Variants in ANKMY1 observed in about 807,000 individuals in gnomAD.
ANKMY1 encodes ankyrin repeat and MYND domain containing 1.
In ANKMY1, 98 loss-of-function variants were observed where a neutral mutation model predicts 102.0. That is an observed-to-expected ratio of 0.96 (90% CI 0.82 to 1.14). The LOEUF (loss-of-function observed/expected upper bound fraction) is 1.14, where lower values mean the gene tolerates loss of function less well. Ranked by LOEUF, ANKMY1 falls within the 50% of genes most tolerant of loss-of-function variation. ANKMY1 has a pLI of 0.00. For synonymous variants in ANKMY1, 582 were observed against 559.9 expected, an observed-to-expected ratio of 1.04 and a Z score of -0.56; for missense variants, 1,330 against 1,347.6, an observed-to-expected ratio of 0.99 and a Z score of 0.20.
At chr2:240,510,875 C>A (rs533738019) in intron 11 of ANKMY1, among the ~76,000 whole-genome samples, 1 of 151,990 alleles carries the variant, frequency 6.6e-6, no homozygotes, top group African/African-American at 2.4e-5. Context: ...CACAAGTGTG[C>A]GAACAGAAAG....
At chr2:240,518,034 C>T (rs1449873263) in intron 9 of ANKMY1, among the ~76,000 whole-genome samples, 5 of 152,148 alleles carry the variant, frequency 3.3e-5, no homozygotes, top group Admixed American at 1.3e-4. Flanking sequence ...CGCCCCTCCT[C>T]AGCATGAAGC....
chr2:240,512,068 A>C, intron 10 of ANKMY1, 67 bp from the exon 11 acceptor site: 1 of 1,463,272 alleles, frequency 6.8e-7, no homozygotes, highest in South Asian at 1.4e-5. Flanking sequence ...AGGCAAACGG[A>C]GCAAGGGAGC....
At chr2:240,504,804 C>T (rs1350870507) in intron 13 of ANKMY1, among the ~76,000 whole-genome samples, 4 of 151,624 alleles carry the variant, frequency 2.6e-5, no homozygotes, top group African/African-American at 9.7e-5. Context: ...GCCAGGAGTT[C>T]GAGACCAGCC....
chr2:240,558,057 C>G, upstream of ANKMY1: 1 of 892,912 alleles, frequency 1.1e-6, no homozygotes, highest in Non-Finnish European at 1.3e-6. Context: ...CTCCGCCAAT[C>G]CCCCCGCCAG....
At chr2:240,470,666 TG>T in the ANKMY1 span, among the ~76,000 whole-genome samples, 1 of 152,114 alleles carries the variant, frequency 6.6e-6, no homozygotes, top group African/African-American at 2.4e-5. Context: ...AGCATCGGCC[TG>T]GGAAGTCAGA....
chr2:240,536,608 T>C (rs1439250108), intron 4 of ANKMY1, among the ~76,000 whole-genome samples: 1 of 152,212 alleles, frequency 6.6e-6, no homozygotes, highest in African/African-American at 2.4e-5. Flanking sequence ...CAAGACCCTG[T>C]CTCTAAAAAC....
intron 4 of ANKMY1, among the ~76,000 whole-genome samples, chr2:240,530,641 G>A (rs12613288): frequency 0.15 from 22,377 of 152,146 alleles, 2,743 homozygotes; most frequent in East Asian, 0.68. Flanking sequence ...TTGCGGCAAC[G>A]TGAGAATGGC....
chr2:240,541,528 G>T (rs868250993), intron 4 of ANKMY1, among the ~76,000 whole-genome samples: 1 of 138,398 alleles, frequency 7.2e-6, no homozygotes, highest in Non-Finnish European at 1.5e-5. Flanking sequence ...TTTTTGAGAC[G>T]GAGTCTCACT....
intron 4 of ANKMY1, among the ~76,000 whole-genome samples, chr2:240,533,544 A>T (rs2085955163): frequency 1.3e-5 from 2 of 152,196 alleles, no homozygotes; most frequent in African/African-American, 4.8e-5. Context: ...TGTATCTTAC[A>T]TTCTTTTTTC....
intron 15 of ANKMY1, among the ~76,000 whole-genome samples, chr2:240,489,984 T>C (rs951551554): frequency 6.6e-6 from 1 of 152,242 alleles, no homozygotes; most frequent in Non-Finnish European, 1.5e-5. Context: ...CCCCATTCAA[T>C]CTTGGTAGAC....
chr2:240,537,639 C>T (rs898989942), intron 4 of ANKMY1, among the ~76,000 whole-genome samples: 2 of 152,202 alleles, frequency 1.3e-5, no homozygotes, highest in African/African-American at 2.4e-5. Flanking sequence ...TCTTCCCAAG[C>T]GACACGGAGG....
intron 9 of ANKMY1, among the ~76,000 whole-genome samples, 162 bp from the exon 10 acceptor site, chr2:240,513,104 C>T (rs536541125): frequency 2.6e-5 from 4 of 152,344 alleles, no homozygotes; most frequent in African/African-American, 9.6e-5. Context: ...TCCCTGAAGG[C>T]AGTGTGGGCA....
chr2:240,548,298 T>C (rs1422013024), intron 4 of ANKMY1, among the ~76,000 whole-genome samples: 3 of 152,160 alleles, frequency 2.0e-5, no homozygotes, highest in Non-Finnish European at 4.4e-5. Flanking sequence ...AAAAGACCTT[T>C]GACAAAATTC....
rs55671912 is a variant in ANKMY1, at chr2:240,496,352, TTAGATAGATAGATAGATAGA to T, written c.2806+3586_2806+3605del. Among the ~76,000 whole-genome samples, 1,059 of 147,526 alleles carry T rather than the reference TTAGATAGATAGATAGATAGA, an allele frequency of 7.2e-3. 10 individuals carry two copies. Among genetic ancestry groups the T allele is most frequent in the African/African-American group, 0.013 (498 of 39,718 alleles). On this transcript the variant is annotated intron_variant, in intron 15 of 17. Transcript: ENST00000401804. ...CTCACCTCTGCTTCTGGTACTCTAA[TTAGATAGATAGATAGATAGA>T]TAGATAGATAGATAGATAGATAGAT...
chr2:240,515,342 C>T (rs1372635734), intron 9 of ANKMY1, among the ~76,000 whole-genome samples: 1 of 152,112 alleles, frequency 6.6e-6, no homozygotes, highest in Non-Finnish European at 1.5e-5. Context: ...CAAGACCAGC[C>T]TGGCCAACAT....
intron 4 of ANKMY1, among the ~76,000 whole-genome samples, chr2:240,545,791 G>A (rs896873719): frequency 5.9e-5 from 9 of 152,168 alleles, no homozygotes; most frequent in East Asian, 1.9e-4. Flanking sequence ...GAAATGAAGC[G>A]AGAAGGGAAG....
At chr2:240,543,193 CA>C (rs963525426) in intron 4 of ANKMY1, among the ~76,000 whole-genome samples, 12 of 147,080 alleles carry the variant, frequency 8.2e-5, no homozygotes, top group Non-Finnish European at 1.1e-4. Flanking sequence ...ACTAAAAATG[CA>C]AAAAAAAAAT....
At chr2:240,521,593 G>A (rs1053542133) in intron 8 of ANKMY1, among the ~76,000 whole-genome samples, 1 of 136,124 alleles carries the variant, frequency 7.3e-6, no homozygotes, top group African/African-American at 2.8e-5. Flanking sequence ...CCGCCTCCCA[G>A]GTTCAAGTTA....
intron 4 of ANKMY1, among the ~76,000 whole-genome samples, chr2:240,537,772 C>G (rs544858366): frequency 6.6e-6 from 1 of 152,358 alleles, no homozygotes; most frequent in African/African-American, 2.4e-5. Flanking sequence ...TTCTTCTGCA[C>G]GCTGTAAACC....
Sources: gnomAD v4.1 joint callset for allele counts (sites outside exome capture counted in the v4.1 genomes callset) on GRCh38, gnomAD v4.1.1 for gene constraint, MANE v1.5 for transcripts, NCBI Gene and HGNC (gene_info 2026-07-23, HGNC 2026-07-21) for gene names.